UGGT2: variants seen among roughly 807,000 people sequenced by gnomAD.
UGGT2 encodes UDP-glucose glycoprotein glucosyltransferase 2.
UGGT2 carries 180 observed loss-of-function variants against 192.1 expected under a neutral mutation model. That is an observed-to-expected ratio of 0.94 (90% confidence interval 0.83 to 1.06). UGGT2 has a LOEUF of 1.06. UGGT2 is among the 50% of genes least tolerant of loss of function. The pLI, the probability that UGGT2 is intolerant of heterozygous loss-of-function variation, is 0.00. For synonymous variants in UGGT2, 580 were observed against 591.0 expected (o/e 0.98, Z 0.27); for missense variants, 1,849 against 1,795.7 (o/e 1.03, Z -0.54).
intron 16 of UGGT2, among the ~76,000 whole-genome samples, chr13:95,939,299 T>A (rs1003816528): frequency 2.0e-5 from 3 of 152,240 alleles, no homozygotes; most frequent in Non-Finnish European, 2.9e-5. Context: ...TTCAGGATTC[T>A]GCTTAAATAT....
intron 27 of UGGT2, among the ~76,000 whole-genome samples, chr13:95,882,721 T>C (rs2047528058): frequency 6.6e-6 from 1 of 152,212 alleles, no homozygotes; most frequent in African/African-American, 2.4e-5. Flanking sequence ...GCTATTAGAT[T>C]TGACACTCAC....
chr13:95,825,902 T>G (rs1003805511), intron 38 of UGGT2, among the ~76,000 whole-genome samples: 1 of 152,052 alleles, frequency 6.6e-6, no homozygotes, highest in African/African-American at 2.4e-5. Context: ...CTCCTAGGAG[T>G]AGGAGTCTCT....
At chr13:95,848,072 C>T (rs1245840052) in intron 36 of UGGT2, among the ~76,000 whole-genome samples, 1 of 152,186 alleles carries the variant, frequency 6.6e-6, no homozygotes, top group Admixed American at 6.5e-5. Flanking sequence ...GGAGCATCTG[C>T]TCATATGCTT....
chr13:95,802,143 G>T (rs1884090469), intron 38 of UGGT2, among the ~76,000 whole-genome samples: 1 of 152,178 alleles, frequency 6.6e-6, no homozygotes, highest in African/African-American at 2.4e-5. Context: ...AATACTAACA[G>T]ATTATTCACT....
intron 17 of UGGT2, 60 bp downstream of exon 17, chr13:95,936,861 GTTT>G: frequency 1.5e-6 from 2 of 1,339,290 alleles, no homozygotes; most frequent in Non-Finnish European, 2.0e-6. Context: ...ATTAAAATAA[GTTT>G]TTAATAAAAA....
chr13:95,992,577 G>A (rs1462821979), intron 7 of UGGT2, among the ~76,000 whole-genome samples: 1 of 152,026 alleles, frequency 6.6e-6, no homozygotes, highest in Admixed American at 6.6e-5. Context: ...TCAGTTTTAG[G>A]AGCCTTATGG....
chr13:95,934,662 C>A (rs544232385), intron 17 of UGGT2, among the ~76,000 whole-genome samples: 25 of 152,280 alleles, frequency 1.6e-4, no homozygotes, highest in African/African-American at 5.3e-4. Flanking sequence ...CAGGCACCCA[C>A]CATGACGCCT....
intron 20 of UGGT2, among the ~76,000 whole-genome samples, chr13:95,906,336 A>C (rs1223295413): frequency 6.6e-6 from 1 of 152,198 alleles, no homozygotes. Context: ...ATTAATTCTA[A>C]TAATTTATAT....
At position 95,801,830 on chromosome 13, in the gene UGGT2, T is replaced by G; in HGVS notation, c.4529-18A>C. 2.5e-6 allele frequency: 4 copies of G among 1,613,604 alleles called. No individual in the cohort carries two copies. The highest frequency in any genetic ancestry group is 3.4e-6 in the Non-Finnish European group (4 of 1,179,690). ...TGTCAAAACTATAAGGGAGAAAAGT[T>G]TATTTAGCTTCTGGCATCTTAAACA... On this transcript the variant is annotated intron_variant, in intron 38 of 38. Transcript: ENST00000376747.
chr13:95,859,720 G>T, intron 32 of UGGT2, 45 bp from the exon 33 acceptor site: 1 of 1,354,380 alleles, frequency 7.4e-7, no homozygotes, highest in South Asian at 1.4e-5. Context: ...ACAGTAACAG[G>T]AGCTCATATA....
intron 20 of UGGT2, among the ~76,000 whole-genome samples, chr13:95,925,093 TTTC>T (rs1427745954): frequency 1.2e-4 from 19 of 152,330 alleles, no homozygotes; most frequent in African/African-American, 3.6e-4. Context: ...TTGGTTTATG[TTTC>T]TTAAGTATTT....
chr13:96,004,528 T>C (rs770715636), intron 5 of UGGT2, among the ~76,000 whole-genome samples: 1 of 152,066 alleles, frequency 6.6e-6, no homozygotes, highest in Non-Finnish European at 1.5e-5. Flanking sequence ...CGAGTGACTA[T>C]GGTTAATAAT....
intron 1 of UGGT2, among the ~76,000 whole-genome samples, chr13:96,050,800 T>C (rs997616940): frequency 3.3e-5 from 5 of 152,152 alleles, no homozygotes; most frequent in Admixed American, 3.3e-4. Flanking sequence ...TCACACCAGT[T>C]AGAAGGGCGA....
At chr13:95,844,499 T>C (rs1888190754) in intron 36 of UGGT2, among the ~76,000 whole-genome samples, 1 of 152,234 alleles carries the variant, frequency 6.6e-6, no homozygotes, top group Admixed American at 6.5e-5. Context: ...CTCAGCAGTT[T>C]TGTAGTTTTC....
chr13:95,964,795 G>C (rs1352042060), intron 12 of UGGT2, among the ~76,000 whole-genome samples: 1 of 152,074 alleles, frequency 6.6e-6, no homozygotes, highest in Admixed American at 6.6e-5. Context: ...ACTACCATCA[G>C]TGTGAACAGG....
At chr13:95,848,401 ATT>A (rs1888694249) in intron 36 of UGGT2, among the ~76,000 whole-genome samples, 1 of 152,196 alleles carries the variant, frequency 6.6e-6, no homozygotes, top group African/African-American at 2.4e-5. Context: ...TTTCTCCTAT[ATT>A]GTCTTCCAGG....
intron 20 of UGGT2, among the ~76,000 whole-genome samples, chr13:95,903,911 T>C (rs536876383): frequency 1.3e-5 from 2 of 152,344 alleles, no homozygotes; most frequent in African/African-American, 4.8e-5. Context: ...CTCGTACATA[T>C]GTAAAGATAT....
chr13:96,001,420 A>C (rs190831436), intron 5 of UGGT2, among the ~76,000 whole-genome samples: 1 of 152,142 alleles, frequency 6.6e-6, no homozygotes, highest in East Asian at 1.9e-4. Flanking sequence ...AAATCTTATA[A>C]AACGGCCCCA....
At chr13:96,014,035 A>G (rs1041489521) in intron 4 of UGGT2, among the ~76,000 whole-genome samples, 2 of 152,124 alleles carry the variant, frequency 1.3e-5, no homozygotes, top group African/African-American at 4.8e-5. Flanking sequence ...AGTAAATTCT[A>G]TTTCACAAGA....
Sources: gnomAD v4.1 joint callset for allele counts (sites outside exome capture counted in the v4.1 genomes callset) on GRCh38, gnomAD v4.1.1 for gene constraint, MANE v1.5 for transcripts, NCBI Gene and HGNC (gene_info 2026-07-23, HGNC 2026-07-21) for gene names.